Variants in PCLO observed in about 807,000 individuals in gnomAD.
PCLO encodes the protein piccolo presynaptic cytomatrix protein.
PCLO carries 82 observed loss-of-function variants against 427.5 expected under a neutral mutation model. The observed-to-expected ratio is 0.19, with a 90% CI of 0.16 to 0.23. The LOEUF (loss-of-function observed/expected upper bound fraction) is 0.23. Among genes scored for constraint, PCLO ranks in the 10% least tolerant of loss-of-function variants. The probability of loss-of-function intolerance (pLI) is 1.00; values close to 1 mark genes in which losing one functional copy is unlikely to be tolerated. For missense variants in PCLO, 6,239 were observed against 6,115.9 expected, an observed-to-expected ratio of 1.02 and a Z score of -0.67; for synonymous variants, 2,357 against 2,155.4, an observed-to-expected ratio of 1.09 and a Z score of -2.59.
In PCLO at chr7:82,952,294, T is replaced by C. The variant is rs1435213250; in HGVS notation, c.8659A>G (p.Thr2887Ala). 1 of 1,613,972 alleles carries C rather than the reference T, an allele frequency of 6.2e-7. No individual in the cohort carries two copies. The highest frequency in any genetic ancestry group is 2.2e-5 in the East Asian group (1 of 44,870). Residue 2887 changes from threonine to alanine, a missense_variant, in exon 5 of 25, where the codon ACC (threonine) becomes GCC (alanine). This residue lies in a region of PCLO where 4,677 missense variants were observed against 4,468.4 expected (regional missense o/e 1.05). Coordinates refer to ENST00000333891, the MANE Select transcript of PCLO (RefSeq NM_033026.6). Reference protein sequence around the residue: ...VGVTNGWTDSTVSQGITDGEV... With the variant: ...VGVTNGWTDSAVSQGITDGEV... ...CCATCAGTGATTCCCTGGGATACGG[T>C]GCTATCAGTCCATCCATTTGTGACA...
chr7:83,019,112 G>A (rs1384743355), intron 3 of PCLO, among the ~76,000 whole-genome samples: 1 of 151,814 alleles, frequency 6.6e-6, no homozygotes, highest in Non-Finnish European at 1.5e-5. Context: ...ATTTATACAT[G>A]AGTGAGTGAA....
chr7:82,859,592 C>G (rs967013638), intron 10 of PCLO, among the ~76,000 whole-genome samples: 1 of 152,084 alleles, frequency 6.6e-6, no homozygotes, highest in Non-Finnish European at 1.5e-5. Context: ...ACCATAACAC[C>G]AAGTCATTTG....
At chr7:82,794,459 C>CTTTTTTTTTTCTTTTT (rs1791179720) in intron 22 of PCLO, among the ~76,000 whole-genome samples, 2 of 56,350 alleles carry the variant, frequency 3.5e-5, no homozygotes, top group Non-Finnish European at 8.2e-5. Flanking sequence ...AATTTTTTTT[C>CTTTTTTTTTTCTTTTT]TTTTTTTTTT....
chr7:83,072,665 T>C (rs1195095815), intron 3 of PCLO, among the ~76,000 whole-genome samples: 1 of 152,054 alleles, frequency 6.6e-6, no homozygotes, highest in Non-Finnish European at 1.5e-5. Flanking sequence ...ACCAGTTTCG[T>C]TCAGCTACAG....
chr7:82,887,583 C>T (rs2116094358), intron 9 of PCLO, among the ~76,000 whole-genome samples: 1 of 152,214 alleles, frequency 6.6e-6, no homozygotes, highest in African/African-American at 2.4e-5. Flanking sequence ...CCTATAATGT[C>T]ACTTCCTTAG....
chr7:83,135,082 C>A lies in PCLO; in HGVS notation c.2468G>T (p.Arg823Leu), dbSNP rs201550435. 23 of 1,613,666 alleles carry A rather than the reference C, an allele frequency of 1.4e-5. No individual in the cohort carries two copies. The East Asian group carries it at 5.1e-4, about 36-fold the overall frequency. The change falls in exon 3 of 25, where the codon CGA (arginine) becomes CTA (leucine). Residue 823 changes from arginine to leucine, a missense_variant. Around this residue, in one of 5 missense-constraint regions of PCLO, gnomAD observed 4,677 missense variants for 4,468.4 expected, o/e 1.05. Transcript: ENST00000333891. ...AATAATTTTTGAATCTGATGCAGGT[C>A]GAGGTATGGCTTTAGAATCAAATGG... ...VSPFDSKAIP[R>L]PASDSKIISH...
chr7:82,801,421 G>T, intron 22 of PCLO, 97 bp downstream of exon 22: 1 of 677,578 alleles, frequency 1.5e-6, no homozygotes, highest in South Asian at 1.8e-5. Context: ...CCATTAGTTT[G>T]TAACATTTAA....
chr7:83,009,406 AG>A (rs1001625221), intron 3 of PCLO, among the ~76,000 whole-genome samples: 1 of 151,880 alleles, frequency 6.6e-6, no homozygotes, highest in Non-Finnish European at 1.5e-5. Flanking sequence ...CAAGTTATTT[AG>A]CCCATCTGTG....
chr7:82,819,398 A>C (rs927471121), intron 20 of PCLO, among the ~76,000 whole-genome samples: 1 of 152,108 alleles, frequency 6.6e-6, no homozygotes, highest in African/African-American at 2.4e-5. Context: ...TGTCATATAG[A>C]AACACTTAAG....
Position 83,093,492 on chromosome 7 carries a change from A to ATTT in PCLO, c.3300+40755_3300+40757dup, listed in dbSNP as rs1169852004. Among the ~76,000 whole-genome samples, 21 of 59,312 alleles carry ATTT rather than the reference A, an allele frequency of 3.5e-4. 1 individual carries two copies. Among genetic ancestry groups the ATTT allele is most frequent in the South Asian group, 6.1e-4 (1 of 1,652 alleles). 38.9% of individuals were successfully genotyped at this position (59,312 alleles called of 152,430 possible). Reference sequence around the variant, plus strand: ...TGTGTGTATAGATATATATATATATATTTTTTTTTTTTTTTTTTGAGATGG... The same window carrying ATTT: ...TGTGTGTATAGATATATATATATATATTTTTTTTTTTTTTTTTTTTTGAGATGG... On this transcript the variant is annotated intron_variant, in intron 3 of 24. Transcript: ENST00000333891.
At position 82,914,669 on chromosome 7, in the gene PCLO, T is replaced by C; in HGVS notation, c.13300+17A>G. On this transcript the variant is annotated intron_variant, in intron 7 of 24. Transcript: ENST00000333891. ...TTGAGTTTTGAGAGTAACAGGGTAG[T>C]TTGAGGCCCAATTTACCTTCACTGT... 2 of 1,611,306 alleles carry C rather than the reference T, an allele frequency of 1.2e-6. No homozygotes were observed. Among genetic ancestry groups the C allele is most frequent in the East Asian group, 2.2e-5 (1 of 44,674 alleles).
chr7:82,993,065 G>C (rs945341086), intron 3 of PCLO, among the ~76,000 whole-genome samples: 2 of 151,860 alleles, frequency 1.3e-5, no homozygotes, highest in Admixed American at 1.3e-4. Context: ...CATTGTATTT[G>C]ATCTTCCCTC....
At chr7:82,760,315 G>T (rs746883663) in intron 24 of PCLO, among the ~76,000 whole-genome samples, 2 of 152,004 alleles carry the variant, frequency 1.3e-5, no homozygotes, top group Middle Eastern at 3.4e-3. Flanking sequence ...AGGCATAAAT[G>T]ACAATAGGCC....
chr7:82,854,000 A>G (rs1792735129), intron 10 of PCLO, among the ~76,000 whole-genome samples: 1 of 152,184 alleles, frequency 6.6e-6, no homozygotes, highest in Non-Finnish European at 1.5e-5. Flanking sequence ...AGGATCCTAA[A>G]ACTTCCATTT....
intron 3 of PCLO, among the ~76,000 whole-genome samples, chr7:83,129,076 A>G (rs936779905): frequency 3.3e-5 from 5 of 152,212 alleles, no homozygotes; most frequent in African/African-American, 1.2e-4. Context: ...ATTATTATCT[A>G]GTACCTTAGG....
At chr7:82,778,286 GAGA>G (rs1467852134) in intron 22 of PCLO, among the ~76,000 whole-genome samples, 1 of 152,162 alleles carries the variant, frequency 6.6e-6, no homozygotes, top group Non-Finnish European at 1.5e-5. Context: ...CAAGGTTGTG[GAGA>G]AAAGAGAACA....
Position 82,887,896 on chromosome 7 carries a change from T to C in PCLO, c.13529-8434A>G, listed in dbSNP as rs762119250. Among the ~76,000 whole-genome samples, 145 of 152,004 alleles carry C rather than the reference T, an allele frequency of 9.5e-4. 2 individuals carry two copies. The highest frequency in any genetic ancestry group is 1.0e-3 in the Non-Finnish European group (70 of 67,956). On this transcript the variant is annotated intron_variant, in intron 9 of 24. Coordinates refer to ENST00000333891, the MANE Select transcript of PCLO (RefSeq NM_033026.6). ...CAGCCTGGCCAAGATGGTGAAACCC[T>C]GTCTCTACTAAAAAGCTACAAAAAT...
At chr7:82,771,565 T>G (rs1790647638) in intron 22 of PCLO, among the ~76,000 whole-genome samples, 1 of 152,102 alleles carries the variant, frequency 6.6e-6, no homozygotes, top group Non-Finnish European at 1.5e-5. Flanking sequence ...CATTATATCT[T>G]GTTTTTTAGC....
intron 3 of PCLO, among the ~76,000 whole-genome samples, chr7:83,014,752 G>C (rs1285174842): frequency 6.6e-6 from 1 of 152,048 alleles, no homozygotes; most frequent in Non-Finnish European, 1.5e-5. Context: ...TTTCCCTAAA[G>C]GCAGCAGACA....
Sources: allele counts gnomAD v4.1 joint callset (sites outside exome capture counted in the v4.1 genomes callset), GRCh38; gene constraint gnomAD v4.1.1; regional missense constraint gnomAD v4.1.1; transcripts MANE v1.5; gene names NCBI Gene and HGNC (gene_info 2026-07-23, HGNC 2026-07-21).